Variants in TAOK3 observed in about 807,000 individuals in gnomAD.
TAOK3 encodes the protein TAO kinase 3, also known as serine/threonine-protein kinase TAO3.
In TAOK3, 40 loss-of-function variants were observed where a neutral mutation model predicts 120.4. The observed-to-expected ratio is 0.33, with a 90% CI of 0.26 to 0.43. The LOEUF (loss-of-function observed/expected upper bound fraction) is 0.43. Ranked by LOEUF, TAOK3 falls within the 20% of genes least tolerant of loss-of-function variation. TAOK3 has a pLI of 1.00. For synonymous variants in TAOK3, 355 were observed against 387.5 expected, an observed-to-expected ratio of 0.92 and a Z score of 0.99; for missense variants, 821 against 1,112.1, an observed-to-expected ratio of 0.74 and a Z score of 3.72.
intron 11 of TAOK3, among the ~76,000 whole-genome samples, chr12:118,207,792 G>A (rs577017752): frequency 6.6e-6 from 1 of 151,542 alleles, no homozygotes; most frequent in African/African-American, 2.4e-5. Flanking sequence ...CTCAGGAGGC[G>A]AAGGTTGCAG....
intron 1 of TAOK3, among the ~76,000 whole-genome samples, chr12:118,355,374 G>T (rs777825264): frequency 3.3e-5 from 5 of 152,160 alleles, no homozygotes; most frequent in Non-Finnish European, 5.9e-5. Context: ...TCACCATGTT[G>T]TTTCCCGGGC....
rs1159677786 is a variant in TAOK3, at chr12:118,238,132, G to A, written c.378C>T (p.Ala126=). The A allele has an allele frequency of 1.2e-6, 2 of 1,611,978 alleles. No individual in the cohort carries two copies. Among genetic ancestry groups the A allele is most frequent in the African/African-American group, 1.3e-5 (1 of 74,718 alleles). The change falls in exon 7 of 21, where the codon GCC becomes GCT. Residue 126 remains alanine (A), a synonymous_variant. Coordinates refer to ENST00000392533, the MANE Select transcript of TAOK3 (RefSeq NM_016281.4). ...KKPLQEVEIA[A]ITHGALHGLA... is the part of the protein sequence containing the mutation. ...GTCCATGCAAGGCTCCATGAGTAAT[G>A]GCAGCGATCTCCACTTCCTGAAGTG...
At chr12:118,297,094 T>C (rs1000149080) in intron 1 of TAOK3, 1 of 152,168 alleles carries the variant, frequency 6.6e-6, no homozygotes, top group Non-Finnish European at 1.5e-5. Context: ...TTCCGCATGA[T>C]TAATAAGAAT....
chr12:118,355,120 T>G (rs1475327405), intron 1 of TAOK3, among the ~76,000 whole-genome samples: 1 of 152,150 alleles, frequency 6.6e-6, no homozygotes, highest in Non-Finnish European at 1.5e-5. Flanking sequence ...ATTTTCCACT[T>G]TAGTATTTTT....
chr12:118,322,726 T>A (rs899105805), intron 1 of TAOK3, among the ~76,000 whole-genome samples: 11 of 134,328 alleles, frequency 8.2e-5, no homozygotes, highest in African/African-American at 3.3e-4. Context: ...ACCTTTTTTT[T>A]TTTTTTTTTT....
At chr12:118,189,694 C>A in intron 14 of TAOK3, 113 bp downstream of exon 14, 1 of 1,285,416 alleles carries the variant, frequency 7.8e-7, no homozygotes, top group Admixed American at 2.2e-5. Flanking sequence ...AGAAAACATT[C>A]TTGACTCCTT....
At chr12:118,210,532 A>T (rs943263037) in intron 11 of TAOK3, among the ~76,000 whole-genome samples, 5 of 151,976 alleles carry the variant, frequency 3.3e-5, no homozygotes, top group African/African-American at 1.2e-4. Context: ...CAGGGACTTC[A>T]CCAGGATATG....
chr12:118,327,257 T>C (rs2043972333), intron 1 of TAOK3, among the ~76,000 whole-genome samples: 1 of 152,164 alleles, frequency 6.6e-6, no homozygotes, highest in Non-Finnish European at 1.5e-5. Context: ...GTATATTATA[T>C]CAAGTAACTC....
intron 1 of TAOK3, among the ~76,000 whole-genome samples, chr12:118,356,585 C>T (rs2045404076): frequency 6.6e-6 from 1 of 151,758 alleles, no homozygotes; most frequent in Admixed American, 6.6e-5. Context: ...CAGGCGTCAG[C>T]AACAATGCCC....
intron 9 of TAOK3, among the ~76,000 whole-genome samples, chr12:118,233,241 G>A (rs1218228731): frequency 3.9e-5 from 5 of 127,358 alleles, no homozygotes; most frequent in South Asian, 2.7e-4. Context: ...ATCACAATCC[G>A]GGGCCTGTTG....
intron 17 of TAOK3, among the ~76,000 whole-genome samples, chr12:118,172,041 T>C (rs1236440580): frequency 6.6e-6 from 1 of 152,208 alleles, no homozygotes; most frequent in African/African-American, 2.4e-5. Flanking sequence ...GCACTCACTC[T>C]GAGAGTACTG....
chr12:118,351,092 T>C (rs1456679813), intron 1 of TAOK3, among the ~76,000 whole-genome samples: 1 of 152,020 alleles, frequency 6.6e-6, no homozygotes, highest in Non-Finnish European at 1.5e-5. Context: ...GGCACGAGAA[T>C]CACTTGAACC....
Position 118,172,513 on chromosome 12 carries a change from A to G in TAOK3, c.1843T>C (p.Phe615Leu). Reference sequence around the variant, plus strand: ...CGCTTGATCATTATTTTCCGCTTGAAGAAACGACAATTTTTGTCGTAGTAC... The same window carrying G: ...CGCTTGATCATTATTTTCCGCTTGAGGAAACGACAATTTTTGTCGTAGTAC... ...RLYYDKNCRF[F>L]KRKIMIKRHE... Residue 615 changes from phenylalanine to leucine, a missense_variant, in exon 17 of 21, where the codon TTC becomes CTC. By Grantham distance (22) the Phe-to-Leu change is conservative. Around this residue, in one of 2 missense-constraint regions of TAOK3, gnomAD observed 354 missense variants for 572.1 expected, o/e 0.62. Transcript: ENST00000392533. 1.2e-6 allele frequency: 2 copies of G among 1,614,214 alleles called. No individual in the cohort carries two copies. The highest frequency in any genetic ancestry group is 1.7e-6 in the Non-Finnish European group (2 of 1,180,024).
At chr12:118,278,405 T>C (rs1057435903) in intron 1 of TAOK3, among the ~76,000 whole-genome samples, 1 of 152,216 alleles carries the variant, frequency 6.6e-6, no homozygotes, top group African/African-American at 2.4e-5. Flanking sequence ...TTTGGTTTTC[T>C]GTTCCTGTGT....
intron 3 of TAOK3, among the ~76,000 whole-genome samples, chr12:118,253,756 A>AAACAAAC (rs1491548390): frequency 4.1e-3 from 4 of 964 alleles, no homozygotes; most frequent in Non-Finnish European, 0.01. Flanking sequence ...ACAAACAAAC[A>AAACAAAC]AAAAAAAAAA....
At chr12:118,213,131 C>A in intron 10 of TAOK3, 136 bp from the exon 11 acceptor site, 2 of 487,860 alleles carry the variant, frequency 4.1e-6, no homozygotes, top group East Asian at 6.5e-5. Context: ...ATCAGGATAA[C>A]TGGAGCATTT....
At chr12:118,272,291 C>CAAAAAAAAAAAA (rs773516018) in intron 1 of TAOK3, among the ~76,000 whole-genome samples, 1 of 64,170 alleles carries the variant, frequency 1.6e-5, no homozygotes, top group Non-Finnish European at 3.2e-5. Context: ...GACTCCATCT[C>CAAAAAAAAAAAA]AAAAAAAAAA....
At chr12:118,266,395 T>G (rs2041451872) in intron 2 of TAOK3, among the ~76,000 whole-genome samples, 2 of 151,306 alleles carry the variant, frequency 1.3e-5, no homozygotes, top group Non-Finnish European at 2.9e-5. Context: ...AGAGACGTGG[T>G]TTCTCCATTT....
chr12:118,359,909 T>C (rs1056895839), intron 1 of TAOK3, among the ~76,000 whole-genome samples: 2 of 152,098 alleles, frequency 1.3e-5, no homozygotes, highest in Admixed American at 6.5e-5. Context: ...ATTACCTAAT[T>C]CAAAAAAGCT....
Sources: gnomAD v4.1 joint callset for allele counts (sites outside exome capture counted in the v4.1 genomes callset) on GRCh38, gnomAD v4.1.1 for gene constraint, gnomAD v4.1.1 regional missense constraint, MANE v1.5 for transcripts, NCBI Gene and HGNC (gene_info 2026-07-23, HGNC 2026-07-21) for gene names.